BRINP1: variants seen among roughly 807,000 people sequenced by gnomAD.
BRINP1 encodes BMP/retinoic acid-inducible neural-specific protein 1.
A neutral mutation model predicts 72.9 loss-of-function variants in BRINP1; 17 were observed. The ratio of observed to expected loss-of-function variants is 0.23; its 90% CI spans 0.16 to 0.35. The LOEUF is 0.35. BRINP1 is among the 10% of genes least tolerant of loss of function. The pLI is 1.00. For missense variants in BRINP1, 850 were observed against 1,001.6 expected (o/e 0.85, Z 2.04); for synonymous variants, 418 against 378.5 (o/e 1.10, Z -1.21).
At chr9:119,203,383 AAT>A (rs1829823637) in intron 7 of BRINP1, among the ~76,000 whole-genome samples, 2 of 152,216 alleles carry the variant, frequency 1.3e-5, no homozygotes, top group African/African-American at 4.8e-5. Flanking sequence ...TTAGATAAAA[AAT>A]ATATGTCACC....
intron 7 of BRINP1, among the ~76,000 whole-genome samples, chr9:119,176,451 CAAGAGCCTAATTAGGCAG>C (rs1338223225): frequency 6.6e-6 from 1 of 152,144 alleles, no homozygotes; most frequent in Non-Finnish European, 1.5e-5. Flanking sequence ...CCACAAACAC[CAAGAGCCTAATTAGGCAG>C]TAGAGCCTAA....
chr9:119,241,587 T>G (rs570113096), intron 4 of BRINP1, among the ~76,000 whole-genome samples: 1 of 152,324 alleles, frequency 6.6e-6, no homozygotes, highest in South Asian at 2.1e-4. Context: ...TTTAAACCTT[T>G]AGCCTCAGTT....
At chr9:119,205,858 CATG>C (rs60363874) in intron 7 of BRINP1, among the ~76,000 whole-genome samples, 14,144 of 152,124 alleles carry the variant, frequency 0.093, 1,192 homozygotes, top group African/African-American at 0.23. Flanking sequence ...CATGGTCAAA[CATG>C]GCCCTCCTCA....
At chr9:119,269,062 A>G (rs1424966316) in intron 2 of BRINP1, among the ~76,000 whole-genome samples, 1 of 152,188 alleles carries the variant, frequency 6.6e-6, no homozygotes, top group African/African-American at 2.4e-5. Context: ...CTGCACAGTG[A>G]GGGCTCTAAA....
chr9:119,249,230 G>T (rs1830353412), intron 2 of BRINP1, 80 bp from the exon 3 acceptor site: 3 of 1,379,192 alleles, frequency 2.2e-6, no homozygotes, highest in African/African-American at 2.9e-5. Context: ...ATCCATCCAG[G>T]CATCTCTCCT....
chr9:119,275,442 A>T (rs1830647214), intron 2 of BRINP1, among the ~76,000 whole-genome samples: 1 of 152,202 alleles, frequency 6.6e-6, no homozygotes, highest in Non-Finnish European at 1.5e-5. Flanking sequence ...CACACAGTAG[A>T]TGCTCATAAA....
intron 7 of BRINP1, among the ~76,000 whole-genome samples, chr9:119,181,173 G>C (rs1031943308): frequency 6.6e-6 from 1 of 152,174 alleles, no homozygotes; most frequent in Non-Finnish European, 1.5e-5. Context: ...ACACTCCCTG[G>C]TGGAGGGCTA....
intron 1 of BRINP1, among the ~76,000 whole-genome samples, chr9:119,333,127 T>C (rs1446948142): frequency 6.6e-6 from 1 of 151,670 alleles, no homozygotes; most frequent in Non-Finnish European, 1.5e-5. Context: ...GTGTCTTTAA[T>C]CTAGTGTGGC....
In BRINP1 at chr9:119,170,472, G is replaced by A. The variant is rs1010282979; in HGVS notation, c.1146-2248C>T. 4.5e-3 allele frequency among the ~76,000 whole-genome samples: 691 copies of A among 151,892 alleles called. 9 individuals carry two copies. The highest frequency in any genetic ancestry group is 0.016 in the African/African-American group (643 of 41,384). On this transcript the variant is annotated intron_variant, in intron 7 of 7. Coordinates refer to ENST00000265922, the MANE Select transcript of BRINP1 (RefSeq NM_014618.3). ...AATGAGCAAAGCCTCCAAGAAATAT[G>A]GGACTATGTGAAAAGACCAAATCTA... is the stretch of plus-strand genomic sequence containing the variant.
chr9:119,215,490 C>T lies in BRINP1; in HGVS notation c.686-1335G>A, dbSNP rs1004147706. Among the ~76,000 whole-genome samples the T allele has an allele frequency of 6.6e-5, 10 of 152,302 alleles. No individual in the cohort carries two copies. In the South Asian group the frequency reaches 1.9e-3, roughly 28 times the overall value. ...TATGAGGTAATGGTTCTACTACTCA[C>T]TGTGTAAAAGAGAACTGTATTCTTA... On this transcript the variant is annotated intron_variant, in intron 5 of 7. Transcript: ENST00000265922.
chr9:119,309,905 G>A (rs1831043386), intron 2 of BRINP1, among the ~76,000 whole-genome samples: 1 of 152,102 alleles, frequency 6.6e-6, no homozygotes, highest in Non-Finnish European at 1.5e-5. Context: ...TATGGATAAT[G>A]ATTGGTGTTA....
At chr9:119,337,688 T>C (rs771976875) in intron 1 of BRINP1, among the ~76,000 whole-genome samples, 4 of 152,240 alleles carry the variant, frequency 2.6e-5, no homozygotes, top group African/African-American at 9.6e-5. Context: ...TTTTGACAGG[T>C]TGGGAAACTT....
At chr9:119,169,222 T>C (rs1237352380) in intron 7 of BRINP1, among the ~76,000 whole-genome samples, 1 of 152,178 alleles carries the variant, frequency 6.6e-6, no homozygotes, top group Admixed American at 6.5e-5. Context: ...AGGTACCGGG[T>C]GCATCTCACT....
chr9:119,255,598 G>T (rs1302220731), intron 2 of BRINP1, among the ~76,000 whole-genome samples: 1 of 152,006 alleles, frequency 6.6e-6, no homozygotes, highest in Non-Finnish European at 1.5e-5. Flanking sequence ...CTTCATACGT[G>T]CAAAAAAATA....
chr9:119,174,104 A>G (rs1241878027), intron 7 of BRINP1, among the ~76,000 whole-genome samples: 3 of 146,442 alleles, frequency 2.0e-5, no homozygotes, highest in Non-Finnish European at 4.4e-5. Flanking sequence ...ACTGAAGACA[A>G]AATTGACAAA....
intron 7 of BRINP1, among the ~76,000 whole-genome samples, chr9:119,200,793 A>C (rs770127199): frequency 9.9e-5 from 15 of 152,148 alleles, no homozygotes; most frequent in Non-Finnish European, 2.1e-4. Context: ...TTGAGGAAGG[A>C]ATCTTTGAGC....
intron 1 of BRINP1, among the ~76,000 whole-genome samples, chr9:119,347,637 T>C (rs1024296887): frequency 6.6e-6 from 1 of 152,076 alleles, no homozygotes; most frequent in Non-Finnish European, 1.5e-5. Context: ...CACATCTCAC[T>C]GTCCACCCGC....
chr9:119,169,113 A>G (rs1012293774), intron 7 of BRINP1, among the ~76,000 whole-genome samples: 2 of 152,226 alleles, frequency 1.3e-5, no homozygotes, highest in Admixed American at 6.5e-5. Flanking sequence ...GATAAAGAAA[A>G]TGTGGCGGAG....
chr9:119,220,765 T>C (rs1588168501), intron 5 of BRINP1, among the ~76,000 whole-genome samples: 2 of 152,118 alleles, frequency 1.3e-5, no homozygotes, highest in East Asian at 1.9e-4. Flanking sequence ...CGAAAGAAAA[T>C]AGGCCTGGAA....
Sources: gnomAD v4.1 joint callset for allele counts (sites outside exome capture counted in the v4.1 genomes callset) on GRCh38, gnomAD v4.1.1 for gene constraint, MANE v1.5 for transcripts, NCBI Gene and HGNC (gene_info 2026-07-23, HGNC 2026-07-21) for gene names.